Variants in SYT16 observed in about 807,000 individuals in gnomAD.
SYT16 encodes synaptotagmin-16.
Under a neutral mutation model 61.4 loss-of-function variants are expected in SYT16, and 42 were observed. That is an observed-to-expected ratio of 0.68 (90% CI 0.53 to 0.89). The LOEUF is 0.89. Ranked by LOEUF, SYT16 falls within the 40% of genes least tolerant of loss-of-function variation. The pLI, the probability that SYT16 is intolerant of heterozygous loss-of-function variation, is 0.00. For missense variants in SYT16, 804 were observed against 807.3 expected (o/e 1.00, Z 0.05); for synonymous variants, 314 against 302.3 (o/e 1.04, Z -0.40).
intron 1 of SYT16, among the ~76,000 whole-genome samples, chr14:61,905,057 C>T (rs2048653670): frequency 6.6e-6 from 1 of 151,920 alleles, no homozygotes; most frequent in African/African-American, 2.4e-5. Context: ...TTACTTATAT[C>T]CCACTTCGAA....
At chr14:61,821,506 C>T (rs552383115) in intron 1 of SYT16, among the ~76,000 whole-genome samples, 1 of 152,314 alleles carries the variant, frequency 6.6e-6, no homozygotes, top group African/African-American at 2.4e-5. Flanking sequence ...AGATCCACTA[C>T]TGAGCTCATG....
intron 1 of SYT16, among the ~76,000 whole-genome samples, chr14:61,943,504 T>A (rs1566702451): frequency 6.6e-6 from 1 of 152,164 alleles, no homozygotes; most frequent in Non-Finnish European, 1.5e-5. Context: ...GCAAATCGAA[T>A]CCAGCAGCAC....
chr14:61,948,887 G>A (rs1594986888), intron 1 of SYT16, among the ~76,000 whole-genome samples: 1 of 152,176 alleles, frequency 6.6e-6, no homozygotes, highest in Non-Finnish European at 1.5e-5. Context: ...AGAAAGTAAA[G>A]TTGAAGAATA....
intron 1 of SYT16, among the ~76,000 whole-genome samples, chr14:61,919,185 A>G (rs1055349239): frequency 6.6e-5 from 10 of 152,208 alleles, no homozygotes; most frequent in African/African-American, 2.4e-4. Flanking sequence ...TAGGCACAAG[A>G]GCAGGTAAAC....
chr14:62,095,173 G>A (rs1595403132), intron 7 of SYT16, among the ~76,000 whole-genome samples: 1 of 152,022 alleles, frequency 6.6e-6, no homozygotes, highest in African/African-American at 2.4e-5. Context: ...CAACTTGACA[G>A]TGGATATTTT....
intron 3 of SYT16, among the ~76,000 whole-genome samples, chr14:62,054,163 G>C (rs991722056): frequency 6.6e-6 from 1 of 152,180 alleles, no homozygotes; most frequent in African/African-American, 2.4e-5. Flanking sequence ...TAGGGGAAAA[G>C]TGAACATTTA....
At chr14:62,016,539 C>CAAAAAA in intron 3 of SYT16, among the ~76,000 whole-genome samples, 1 of 97,298 alleles carries the variant, frequency 1.0e-5, no homozygotes, top group Non-Finnish European at 2.1e-5. Flanking sequence ...TCTAAAAATA[C>CAAAAAA]AAAAAAAAAA....
chr14:61,969,788 C>G (rs970813571), intron 1 of SYT16, among the ~76,000 whole-genome samples: 1 of 152,114 alleles, frequency 6.6e-6, no homozygotes, highest in Admixed American at 6.6e-5. Context: ...CAGCTAAACC[C>G]ATTTGATTGA....
intron 1 of SYT16, among the ~76,000 whole-genome samples, chr14:61,846,504 C>T (rs148506032): frequency 0.011 from 1,667 of 152,230 alleles, 26 homozygotes; most frequent in Non-Finnish European, 0.011. Context: ...TTTTCATTGG[C>T]ATGGAATATC....
chr14:61,874,645 G>A (rs534617048), intron 1 of SYT16, among the ~76,000 whole-genome samples: 14 of 152,240 alleles, frequency 9.2e-5, no homozygotes, highest in Non-Finnish European at 1.6e-4. Flanking sequence ...ATCCAGATGA[G>A]ACTCTTTGGG....
chr14:62,017,885 T>C (rs2053754649), intron 3 of SYT16, among the ~76,000 whole-genome samples: 2 of 152,110 alleles, frequency 1.3e-5, no homozygotes, highest in Non-Finnish European at 2.9e-5. Context: ...GGCTAATTTT[T>C]TTCATTTGTT....
chr14:61,996,687 T>C, intron 3 of SYT16, 145 bp downstream of exon 3: 3 of 1,038,166 alleles, frequency 2.9e-6, no homozygotes, highest in Non-Finnish European at 4.1e-6. Context: ...TTGAGAGATA[T>C]AATCCTTAGG....
At chr14:62,046,811 A>G (rs544434170) in intron 3 of SYT16, among the ~76,000 whole-genome samples, 301 of 152,194 alleles carry the variant, frequency 2.0e-3, no homozygotes, top group African/African-American at 6.8e-3. Context: ...CCATTGGTCT[A>G]TATCTCTGTT....
chr14:62,026,294 A>G (rs1181124932), intron 3 of SYT16, among the ~76,000 whole-genome samples: 2 of 152,202 alleles, frequency 1.3e-5, no homozygotes, highest in South Asian at 2.1e-4. Context: ...TTATGTTGCT[A>G]TAACTAAATA....
intron 1 of SYT16, among the ~76,000 whole-genome samples, chr14:61,965,912 TA>T (rs1360716050): frequency 1.3e-5 from 2 of 152,184 alleles, no homozygotes; most frequent in East Asian, 3.9e-4. Flanking sequence ...TACATTCTGG[TA>T]AAATTTTTGT....
At chr14:61,940,804 C>G (rs1329514685) in intron 1 of SYT16, among the ~76,000 whole-genome samples, 1 of 152,124 alleles carries the variant, frequency 6.6e-6, no homozygotes, top group Admixed American at 6.5e-5. Flanking sequence ...GCAGGCTTCC[C>G]TGGAATGCTC....
At chr14:62,071,336 G>C (rs967854625) in intron 4 of SYT16, among the ~76,000 whole-genome samples, 6 of 152,180 alleles carry the variant, frequency 3.9e-5, no homozygotes, top group Non-Finnish European at 7.3e-5. Flanking sequence ...CAAGTGTCTG[G>C]CTTCTGATTT....
At chr14:61,826,070 T>TAGGAAGGGAATAGTCCTC (rs2045762054) in intron 1 of SYT16, among the ~76,000 whole-genome samples, 2 of 152,132 alleles carry the variant, frequency 1.3e-5, no homozygotes, top group African/African-American at 4.8e-5. Flanking sequence ...TTATAATAAT[T>TAGGAAGGGAATAGTCCTC]TGTTTTTATT....
intron 3 of SYT16, among the ~76,000 whole-genome samples, chr14:62,003,364 A>C (rs192125540): frequency 6.6e-6 from 1 of 151,722 alleles, no homozygotes; most frequent in Non-Finnish European, 1.5e-5. Context: ...TGTGACTCCC[A>C]TGGGTTCTGT....
Sources: allele counts gnomAD v4.1 joint callset (sites outside exome capture counted in the v4.1 genomes callset), GRCh38; gene constraint gnomAD v4.1.1; transcripts MANE v1.5; gene names NCBI Gene and HGNC (gene_info 2026-07-23, HGNC 2026-07-21).